The following TTC9 variants were observed in gnomAD, a reference collection of about 807,000 sequenced individuals.
TTC9 encodes the protein tetratricopeptide repeat domain 9, also known as tetratricopeptide repeat protein 9A.
In TTC9, 13 loss-of-function variants were observed where a neutral mutation model predicts 22.9. That is an observed-to-expected ratio of 0.57 (90% CI 0.37 to 0.90). TTC9 has a LOEUF of 0.90. TTC9 is among the 40% of genes least tolerant of loss of function. TTC9 has a pLI of 0.01. For synonymous variants in TTC9, 148 were observed against 133.2 expected (o/e 1.11, Z -0.77); for missense variants, 280 against 291.8 (o/e 0.96, Z 0.29).
chr14:70,655,174 A>G (rs1886044115), intron 1 of TTC9, among the ~76,000 whole-genome samples: 1 of 152,210 alleles, frequency 6.6e-6, no homozygotes, highest in Admixed American at 6.5e-5. Flanking sequence ...TGGGTGGATC[A>G]CCTGAGGTTG....
chr14:70,655,076 T>A (rs937286512), intron 1 of TTC9, among the ~76,000 whole-genome samples: 1 of 152,186 alleles, frequency 6.6e-6, no homozygotes, highest in African/African-American at 2.4e-5. Context: ...CTAAATTTAA[T>A]TTAGCATTGA....
At chr14:70,668,849 T>TAA (rs796950135) in intron 2 of TTC9, among the ~76,000 whole-genome samples, 1,310 of 91,162 alleles carry the variant, frequency 0.014, 36 homozygotes, top group African/African-American at 0.046. Context: ...AGACCTTGTC[T>TAA]AAAAAAAAAA....
intron 1 of TTC9, among the ~76,000 whole-genome samples, chr14:70,651,065 C>G (rs1284971909): frequency 6.6e-6 from 1 of 152,178 alleles, no homozygotes; most frequent in Non-Finnish European, 1.5e-5. Context: ...ACTGCAACCT[C>G]TGCCACCTGG....
At position 70,673,184 on chromosome 14, in the gene TTC9, C is replaced by G. The variant is rs1052140405; in HGVS notation, c.*2029C>G. The G allele has an allele frequency of 1.3e-5, 2 of 152,302 alleles. No homozygotes were observed. Among genetic ancestry groups the G allele is most frequent in the Middle Eastern group, 3.4e-3 (1 of 294 alleles). The allele number at this position is 152,302 out of a possible 1,614,324, so 9.4% of individuals were successfully genotyped here. A position where few individuals can be genotyped will look rare whatever the true frequency, so the allele number is the denominator to read the frequency against. The stretch of plus-strand genomic sequence containing the variant: ...CTCACCTAGCATTCATCACCCATCC[C>G]CAGCATTGGGAAAGGGTCACAATTA... On this transcript the variant is annotated 3_prime_UTR_variant, in exon 3 of 3. Coordinates refer to ENST00000256367, the MANE Select transcript of TTC9 (RefSeq NM_015351.2).
intron 2 of TTC9, among the ~76,000 whole-genome samples, chr14:70,668,611 G>A (rs1173999140): frequency 6.6e-6 from 1 of 152,128 alleles, no homozygotes; most frequent in Non-Finnish European, 1.5e-5. Flanking sequence ...AGCACTTTGG[G>A]AACCCAAGGC....
At chr14:70,654,587 C>A (rs1225029200) in intron 1 of TTC9, among the ~76,000 whole-genome samples, 35 of 57,158 alleles carry the variant, frequency 6.1e-4, no homozygotes, top group Non-Finnish European at 3.7e-4. Context: ...GGCTCTGTCT[C>A]AAAAAAAAAA....
chr14:70,661,773 T>A (rs1014728842), intron 1 of TTC9, among the ~76,000 whole-genome samples: 1 of 152,192 alleles, frequency 6.6e-6, no homozygotes, highest in Non-Finnish European at 1.5e-5. Context: ...GCTGATTCTC[T>A]ATTTGCTAAA....
chr14:70,645,043 C>T (rs1233305080), intron 1 of TTC9, among the ~76,000 whole-genome samples: 4 of 151,934 alleles, frequency 2.6e-5, no homozygotes, highest in African/African-American at 9.7e-5. Context: ...ACCCGGGAGG[C>T]GGAGCTTGCA....
chr14:70,643,956 A>T (rs1176318241), intron 1 of TTC9, among the ~76,000 whole-genome samples: 1 of 152,174 alleles, frequency 6.6e-6, no homozygotes, highest in African/African-American at 2.4e-5. Context: ...AGTACAGCAA[A>T]AATGGACTCT....
chr14:70,659,119 A>AACACACAC (rs201172906), intron 1 of TTC9, among the ~76,000 whole-genome samples: 125 of 134,706 alleles, frequency 9.3e-4, no homozygotes, highest in African/African-American at 2.8e-3. Context: ...TATATAACTA[A>AACACACAC]ACACACACAC....
rs1182961709 is a variant in TTC9, at chr14:70,642,262, G to A, written c.133G>A (p.Gly45Arg). Residue 45 changes from glycine (G) to arginine (R), a missense_variant, in exon 1 of 3, where the codon GGG (glycine) becomes AGG (arginine). Gly to Arg is a moderately radical substitution (Grantham distance 125). Coordinates refer to ENST00000256367, the MANE Select transcript of TTC9 (RefSeq NM_015351.2). ...AGGAGCCCCAGCGAGGGGCCAGGTC[G>A]GGGCGGCGGCCGAGCCGGCCGAGCT... ...GGGAPARGQV[G>R]AAAEPAELIR... 1 of 1,492,076 alleles carries A rather than the reference G, an allele frequency of 6.7e-7. No individual in the cohort carries two copies. Among genetic ancestry groups the A allele is most frequent in the African/African-American group, 1.5e-5 (1 of 68,050 alleles). 92.4% of individuals were successfully genotyped at this position (1,492,076 alleles called of 1,614,324 possible).
At chr14:70,670,502 A>G (rs1321773296) in intron 2 of TTC9, among the ~76,000 whole-genome samples, 1 of 152,100 alleles carries the variant, frequency 6.6e-6, no homozygotes, top group Non-Finnish European at 1.5e-5. Flanking sequence ...TACTAAAAAT[A>G]CAAGAATTAG....
intron 1 of TTC9, among the ~76,000 whole-genome samples, chr14:70,659,193 G>T (rs1255078965): frequency 1.3e-5 from 2 of 150,772 alleles, no homozygotes; most frequent in East Asian, 3.9e-4. Flanking sequence ...AGGGAAACCT[G>T]AATAAGATCT....
At chr14:70,661,349 G>A (rs1466742750) in intron 1 of TTC9, among the ~76,000 whole-genome samples, 1 of 152,162 alleles carries the variant, frequency 6.6e-6, no homozygotes, top group Non-Finnish European at 1.5e-5. Flanking sequence ...CTGAGGGTGA[G>A]GACTGTAACG....
At chr14:70,659,159 C>T (rs970450482) in intron 1 of TTC9, among the ~76,000 whole-genome samples, 1 of 151,938 alleles carries the variant, frequency 6.6e-6, no homozygotes, top group Non-Finnish European at 1.5e-5. Flanking sequence ...CACACACACA[C>T]ACATACTGGG....
chr14:70,651,998 A>G (rs765747017), intron 1 of TTC9, among the ~76,000 whole-genome samples: 1 of 151,224 alleles, frequency 6.6e-6, no homozygotes, highest in Non-Finnish European at 1.5e-5. Context: ...AGTTGGGACC[A>G]GGGTTTTAGT....
At position 70,642,499 on chromosome 14, in the gene TTC9, G is replaced by A. The variant is rs1450820456; in HGVS notation, c.370G>A (p.Glu124Lys). Residue 124 changes from glutamate to lysine, a missense_variant, in exon 1 of 3, where the codon GAA becomes AAA. This residue lies in a region of TTC9 where 165 missense variants were observed against 145.4 expected (regional missense o/e 1.14). Coordinates refer to ENST00000256367, the MANE Select transcript of TTC9 (RefSeq NM_015351.2). Reference sequence around the variant, plus strand: ...CTCGGAGGAGCAGAGCAAGACGGTGGAAGCCATCGAGATCGACTGTTACAA... The same window carrying A: ...CTCGGAGGAGCAGAGCAAGACGGTGAAAGCCATCGAGATCGACTGTTACAA... ...RLSEEQSKTVEAIEIDCYNSL... is the reference protein window; with the variant it reads ...RLSEEQSKTVKAIEIDCYNSL... 6.5e-7 allele frequency: 1 copy of A among 1,545,902 alleles called. No homozygotes were observed. Among genetic ancestry groups the A allele is most frequent in the East Asian group, 2.5e-5 (1 of 40,186 alleles).
At chr14:70,654,587 C>CAAAAAAAAAAAAAAAAAAAAAAAAAAAAA (rs61046584) in intron 1 of TTC9, among the ~76,000 whole-genome samples, 2 of 57,168 alleles carry the variant, frequency 3.5e-5, no homozygotes, top group Non-Finnish European at 6.2e-5. Context: ...GGCTCTGTCT[C>CAAAAAAAAAAAAAAAAAAAAAAAAAAAAA]AAAAAAAAAA....
At chr14:70,654,587 C>CAAAAAAAAAAA (rs61046584) in intron 1 of TTC9, among the ~76,000 whole-genome samples, 605 of 57,050 alleles carry the variant, frequency 0.011, 20 homozygotes, top group Middle Eastern at 0.018. Flanking sequence ...GGCTCTGTCT[C>CAAAAAAAAAAA]AAAAAAAAAA....
Sources: gnomAD v4.1 joint callset for allele counts (sites outside exome capture counted in the v4.1 genomes callset) on GRCh38, gnomAD v4.1.1 for gene constraint, gnomAD v4.1.1 regional missense constraint, MANE v1.5 for transcripts, NCBI Gene and HGNC (gene_info 2026-07-23, HGNC 2026-07-21) for gene names.